The following KCNK2 variants were observed in gnomAD, a reference collection of about 807,000 sequenced individuals.
The protein encoded by KCNK2 is potassium channel subfamily K member 2.
In KCNK2, 21 loss-of-function variants were observed where a neutral mutation model predicts 40.5. The observed-to-expected ratio is 0.52, with a 90% CI of 0.37 to 0.75. KCNK2 has a LOEUF of 0.75. Ranked by LOEUF, KCNK2 falls within the 30% of genes least tolerant of loss-of-function variation. KCNK2 has a pLI of 0.00. For synonymous variants in KCNK2, 191 were observed against 202.2 expected (o/e 0.94, Z 0.47); for missense variants, 399 against 531.6 (o/e 0.75, Z 2.45).
At chr1:215,060,785 GCACAGAATCT>G (rs1190947341) in intron 1 of KCNK2, among the ~76,000 whole-genome samples, 1 of 152,060 alleles carries the variant, frequency 6.6e-6, no homozygotes, top group Non-Finnish European at 1.5e-5. Flanking sequence ...AATAATATTA[GCACAGAATCT>G]GGTTTCTTAG....
chr1:215,126,181 TC>T (rs1661429336), intron 3 of KCNK2, among the ~76,000 whole-genome samples: 1 of 152,208 alleles, frequency 6.6e-6, no homozygotes, highest in Admixed American at 6.5e-5. Flanking sequence ...TTAAAAGTTT[TC>T]CTTTTACAGG....
intron 6 of KCNK2, among the ~76,000 whole-genome samples, chr1:215,234,242 T>A (rs1489378395): frequency 6.6e-6 from 1 of 152,214 alleles, no homozygotes; most frequent in Non-Finnish European, 1.5e-5. Flanking sequence ...TGTTGCTTAG[T>A]TAGGAAAAAG....
intron 1 of KCNK2, among the ~76,000 whole-genome samples, chr1:215,047,786 A>G (rs1039575719): frequency 3.3e-5 from 5 of 152,122 alleles, no homozygotes; most frequent in Non-Finnish European, 7.4e-5. Flanking sequence ...TCCCTTAACA[A>G]TTTTTACATG....
At chr1:215,068,438 T>G (rs947204498) in intron 1 of KCNK2, among the ~76,000 whole-genome samples, 2 of 152,206 alleles carry the variant, frequency 1.3e-5, no homozygotes, top group Non-Finnish European at 2.9e-5. Flanking sequence ...CAAGGCATTC[T>G]GGAATCTGAA....
At chr1:215,027,980 C>A (rs1657054524) in intron 1 of KCNK2, among the ~76,000 whole-genome samples, 1 of 152,056 alleles carries the variant, frequency 6.6e-6, no homozygotes, top group African/African-American at 2.4e-5. Flanking sequence ...TATTTTAATT[C>A]TTTCTGGAGT....
intron 6 of KCNK2, among the ~76,000 whole-genome samples, chr1:215,227,227 G>T (rs1267255935): frequency 6.6e-6 from 1 of 152,206 alleles, no homozygotes; most frequent in Non-Finnish European, 1.5e-5. Context: ...GTAGTAAGTT[G>T]TGTTGAGCAG....
chr1:215,231,793 A>G (rs1331603992), intron 6 of KCNK2, among the ~76,000 whole-genome samples: 2 of 152,198 alleles, frequency 1.3e-5, no homozygotes, highest in Non-Finnish European at 2.9e-5. Context: ...ACAGTTCCAC[A>G]TGGCTGGAGG....
intron 4 of KCNK2, 120 bp from the exon 5 acceptor site, chr1:215,171,877 T>G (rs1026568518): frequency 1.1e-5 from 7 of 646,476 alleles, no homozygotes; most frequent in Non-Finnish European, 1.8e-5. Flanking sequence ...AGTGTATAGG[T>G]TAACTTTGTG....
At chr1:215,203,962 C>T (rs781624061) in intron 6 of KCNK2, among the ~76,000 whole-genome samples, 2 of 120,932 alleles carry the variant, frequency 1.7e-5, no homozygotes, top group Non-Finnish European at 3.2e-5. Context: ...GGTGTGAACC[C>T]GGGAGGTGGA....
chr1:215,032,103 A>ATTTTT (rs368295671), intron 1 of KCNK2, among the ~76,000 whole-genome samples: 20 of 137,732 alleles, frequency 1.5e-4, no homozygotes, highest in African/African-American at 5.3e-4. Context: ...TCAATTAAGG[A>ATTTTT]TTTTTTTTTT....
In KCNK2 at chr1:215,168,053, G is replaced by T. The variant is rs139555669; in HGVS notation, c.476-1146G>T. ...AAAACCGATAAAAAACTGGGCAAAA[G>T]ATATGAACAGACACTTCTCAAAAGA... On this transcript the variant is annotated intron_variant, in intron 3 of 6. Transcript: ENST00000444842. 7.5e-3 allele frequency among the ~76,000 whole-genome samples: 1,140 copies of T among 152,186 alleles called. 14 individuals carry two copies. The highest frequency in any genetic ancestry group is 0.026 in the African/African-American group (1,088 of 41,550).
rs34006988 is a variant in KCNK2 at position 215,209,743 on chromosome 1, T to TAAAATATATAATATATATA, written c.963+14654_963+14655insATATATAATATATATAAAA. ...ATATATATAAAATATATAATATATA[T>TAAAATATATAATATATATA]AAATATATATTATATATAAAATATA... On this transcript the variant is annotated intron_variant, in intron 6 of 6. Transcript: ENST00000444842. 4.7e-3 allele frequency among the ~76,000 whole-genome samples: 2 copies of TAAAATATATAATATATATA among 422 alleles called. 1 individual carries two copies. The highest frequency in any genetic ancestry group is 7.2e-3 in the Non-Finnish European group (2 of 276). 0.3% of individuals were successfully genotyped at this position (422 alleles called of 152,430 possible).
At chr1:215,117,563 T>C (rs951630072) in intron 2 of KCNK2, among the ~76,000 whole-genome samples, 6 of 152,144 alleles carry the variant, frequency 3.9e-5, no homozygotes, top group African/African-American at 1.4e-4. Flanking sequence ...ACAAGTACTA[T>C]TCTTTTGCAT....
intron 1 of KCNK2, chr1:215,006,082 A>G (rs1374024001): frequency 1.3e-6 from 1 of 785,140 alleles, no homozygotes; most frequent in Non-Finnish European, 2.1e-6. Flanking sequence ...AATTAAACTC[A>G]TTGGGTGGTT....
intron 2 of KCNK2, among the ~76,000 whole-genome samples, chr1:215,089,218 TAAG>T (rs949606137): frequency 5.3e-5 from 8 of 152,156 alleles, no homozygotes; most frequent in African/African-American, 1.9e-4. Flanking sequence ...ACCACAACAT[TAAG>T]GATTAGATAG....
chr1:215,217,172 G>C (rs1665996186), intron 6 of KCNK2, among the ~76,000 whole-genome samples: 4 of 152,068 alleles, frequency 2.6e-5, no homozygotes, highest in Admixed American at 2.6e-4. Context: ...GTGTCAAAGG[G>C]AACACTGGCT....
chr1:215,226,223 A>G (rs1236929861), intron 6 of KCNK2, among the ~76,000 whole-genome samples: 2 of 152,240 alleles, frequency 1.3e-5, no homozygotes, highest in African/African-American at 4.8e-5. Flanking sequence ...AAAAGCTATC[A>G]GAGGATTAAC....
At chr1:215,112,438 T>C (rs1398727297) in intron 2 of KCNK2, among the ~76,000 whole-genome samples, 1 of 152,168 alleles carries the variant, frequency 6.6e-6, no homozygotes, top group Non-Finnish European at 1.5e-5. Context: ...TGTTTTAAGC[T>C]TAGTGCTAGT....
At chr1:215,032,577 C>G (rs1657241695) in intron 1 of KCNK2, among the ~76,000 whole-genome samples, 1 of 152,124 alleles carries the variant, frequency 6.6e-6, no homozygotes, top group African/African-American at 2.4e-5. Context: ...GGTCAACTAA[C>G]AACAGATTTC....
Sources: allele counts gnomAD v4.1 joint callset (sites outside exome capture counted in the v4.1 genomes callset), GRCh38; gene constraint gnomAD v4.1.1; transcripts MANE v1.5; gene names NCBI Gene and HGNC (gene_info 2026-07-23, HGNC 2026-07-21).